Variants in PRCP observed in about 807,000 individuals in gnomAD.
PRCP encodes lysosomal Pro-X carboxypeptidase.
In PRCP, 46 loss-of-function variants were observed where a neutral mutation model predicts 54.2. The ratio of observed to expected loss-of-function variants is 0.85; its 90% confidence interval spans 0.67 to 1.09. The LOEUF (loss-of-function observed/expected upper bound fraction) is 1.09, where lower values mean the gene tolerates loss of function less well. Among genes scored for constraint, PRCP ranks in the 50% least tolerant of loss-of-function variants. The pLI is 0.00. For missense variants in PRCP, 613 were observed against 596.8 expected (o/e 1.03, Z -0.28); for synonymous variants, 240 against 212.2 (o/e 1.13, Z -1.14).
intron 8 of PRCP, chr11:82,831,119 CA>C (rs1470406022): frequency 3.8e-4 from 57 of 148,062 alleles, no homozygotes; most frequent in African/African-American, 1.4e-3. Flanking sequence ...ATTCCCCCAA[CA>C]GGGAGCTTCA....
chr11:82,895,550 T>C (rs1454755111), intron 1 of PRCP, among the ~76,000 whole-genome samples: 1 of 152,150 alleles, frequency 6.6e-6, no homozygotes, highest in Admixed American at 6.5e-5. Flanking sequence ...CAATCCATCA[T>C]ATCTAAGGGG....
At chr11:82,838,772 G>C (rs968543302) in intron 7 of PRCP, among the ~76,000 whole-genome samples, 198 bp from the exon 8 acceptor site, 8 of 152,142 alleles carry the variant, frequency 5.3e-5, no homozygotes, top group Non-Finnish European at 8.8e-5. Context: ...AGAAGTCACG[G>C]AAGTCAGGAT....
At chr11:82,839,202 TA>T in intron 7 of PRCP, 58 bp downstream of exon 7, 1 of 1,539,882 alleles carries the variant, frequency 6.5e-7, no homozygotes, top group Non-Finnish European at 8.8e-7. Context: ...GATTTTTTTT[TA>T]CAGCACAACT....
intron 1 of PRCP, among the ~76,000 whole-genome samples, chr11:82,865,917 G>T (rs970681568): frequency 2.0e-5 from 3 of 152,114 alleles, no homozygotes; most frequent in Non-Finnish European, 4.4e-5. Context: ...GAAGGAAGGT[G>T]GAGTTTAGAC....
chr11:82,896,692 A>C (rs999109284), intron 1 of PRCP, among the ~76,000 whole-genome samples: 7 of 151,200 alleles, frequency 4.6e-5, no homozygotes, highest in Non-Finnish European at 8.9e-5. Flanking sequence ...AAAAAAAAAA[A>C]AAAAAAAAAA....
chr11:82,828,644 G>A (rs2121053412), intron 8 of PRCP: 1 of 152,260 alleles, frequency 6.6e-6, no homozygotes, highest in Admixed American at 6.5e-5. Context: ...TCAAATACAT[G>A]AAAATAATTC....
At chr11:82,872,256 A>G (rs1859499766) in intron 1 of PRCP, among the ~76,000 whole-genome samples, 2 of 152,206 alleles carry the variant, frequency 1.3e-5, no homozygotes, top group Non-Finnish European at 2.9e-5. Context: ...GGACTACTGT[A>G]TAGCTCCAAT....
In PRCP at chr11:82,850,470, T is replaced by C; in HGVS notation, c.447A>G (p.Gln149=). Residue 149 remains glutamine, a synonymous_variant, in exon 4 of 9, where the codon CAA becomes CAG. Coordinates refer to ENST00000313010, the MANE Select transcript of PRCP (RefSeq NM_005040.4). The part of the protein sequence containing the change: ...SRHLNFLTSE[Q]ALADFAELIK... ...TTAACTCTGCAAAATCAGCCAGAGCTTGTTCTGATGTCAGGAAATTCAAGT... is the reference window on the plus strand; with the variant it reads ...TTAACTCTGCAAAATCAGCCAGAGCCTGTTCTGATGTCAGGAAATTCAAGT... 1 of 1,591,514 alleles carries C rather than the reference T, an allele frequency of 6.3e-7. No homozygotes were observed. The highest frequency in any genetic ancestry group is 1.1e-5 in the South Asian group (1 of 87,632).
chr11:82,823,079 C>G lies in PRCP; in HGVS notation c.*1827G>C, dbSNP rs903136976. On this transcript the variant is annotated 3_prime_UTR_variant, in exon 9 of 9. Transcript: ENST00000313010. ...TACTCACTTCAATTAAGGCTGCTAT[C>G]TATATTCCTAAAATGCATACAGTAA... is the stretch of plus-strand genomic sequence containing the variant. 6.6e-5 allele frequency among the ~76,000 whole-genome samples: 10 copies of G among 152,122 alleles called. No homozygotes were observed. The highest frequency in any genetic ancestry group is 1.3e-4 in the Non-Finnish European group (9 of 68,014).
At position 82,839,245 on chromosome 11, in the gene PRCP, A is replaced by C. The variant is rs149003989; in HGVS notation, c.1086+16T>G. ...GTGAAAAGTAAGTTCCACTTGGGGA[A>C]ATTATACATATTTACCTGATAGCTC... is the stretch of plus-strand genomic sequence containing the variant. On this transcript the variant is annotated intron_variant, in intron 7 of 8. Coordinates refer to ENST00000313010, the MANE Select transcript of PRCP (RefSeq NM_005040.4). 402 of 1,598,008 alleles carry C rather than the reference A, an allele frequency of 2.5e-4. No individual in the cohort carries two copies. The African/African-American group carries it at 4.8e-3, about 19-fold the overall frequency.
intron 1 of PRCP, among the ~76,000 whole-genome samples, chr11:82,882,511 T>TG (rs1767791265): frequency 6.7e-6 from 1 of 149,084 alleles, no homozygotes; most frequent in Admixed American, 6.6e-5. Flanking sequence ...TTTTTTTTTT[T>TG]TTGAGACGGA....
chr11:82,882,546 A>AGTG (rs1555018895), intron 1 of PRCP, among the ~76,000 whole-genome samples: 2 of 132,126 alleles, frequency 1.5e-5, no homozygotes, highest in African/African-American at 3.2e-5. Flanking sequence ...CCCAGGCTGG[A>AGTG]GTGCAGTGGC....
At chr11:82,856,819 C>T (rs571668886) in intron 2 of PRCP, among the ~76,000 whole-genome samples, 3 of 152,068 alleles carry the variant, frequency 2.0e-5, no homozygotes, top group Non-Finnish European at 4.4e-5. Flanking sequence ...GAGGCCGAGG[C>T]GGGCGGATCA....
intron 1 of PRCP, among the ~76,000 whole-genome samples, chr11:82,885,218 C>T (rs1368971867): frequency 6.6e-6 from 1 of 152,134 alleles, no homozygotes; most frequent in Non-Finnish European, 1.5e-5. Flanking sequence ...GTTATAGTCA[C>T]CAATGCTGTG....
At chr11:82,869,555 T>C (rs1284728876) in intron 1 of PRCP, among the ~76,000 whole-genome samples, 3 of 152,108 alleles carry the variant, frequency 2.0e-5, no homozygotes, top group African/African-American at 7.2e-5. Flanking sequence ...CAACAGTGAA[T>C]GAAAAACATC....
intron 1 of PRCP, among the ~76,000 whole-genome samples, chr11:82,891,465 C>T (rs1860008169): frequency 1.3e-5 from 2 of 152,192 alleles, no homozygotes; most frequent in Admixed American, 1.3e-4. Context: ...TAATCAGAGT[C>T]ATTCTTCTAC....
At chr11:82,859,722 A>G (rs978346092) in intron 2 of PRCP, among the ~76,000 whole-genome samples, 2 of 152,166 alleles carry the variant, frequency 1.3e-5, no homozygotes, top group African/African-American at 4.8e-5. Flanking sequence ...ATTGTACATT[A>G]TTCTTTTCAT....
At chr11:82,851,989 C>T (rs1008456843) in intron 3 of PRCP, among the ~76,000 whole-genome samples, 4 of 152,090 alleles carry the variant, frequency 2.6e-5, no homozygotes, top group African/African-American at 7.2e-5. Flanking sequence ...ATCCTTCATG[C>T]TACTGACATA....
chr11:82,862,752 A>G (rs1022025471), intron 1 of PRCP, among the ~76,000 whole-genome samples: 15 of 152,220 alleles, frequency 9.9e-5, no homozygotes, highest in East Asian at 9.6e-4. Flanking sequence ...AGCAGTTTTT[A>G]TGGACGAGGT....
Sources: gnomAD v4.1 joint callset for allele counts (sites outside exome capture counted in the v4.1 genomes callset) on GRCh38, gnomAD v4.1.1 for gene constraint, MANE v1.5 for transcripts, NCBI Gene and HGNC (gene_info 2026-07-23, HGNC 2026-07-21) for gene names.